Variants in PRDM1 observed in about 807,000 individuals in gnomAD.
PRDM1 encodes PR/SET domain 1.
Under a neutral mutation model 62.8 loss-of-function variants are expected in PRDM1, and 13 were observed. The observed-to-expected ratio is 0.21, with a 90% CI of 0.13 to 0.33. The LOEUF (loss-of-function observed/expected upper bound fraction) is 0.33, where lower values mean the gene tolerates loss of function less well. PRDM1 is among the 10% of genes least tolerant of loss of function. The pLI, the probability that PRDM1 is intolerant of heterozygous loss-of-function variation, is 1.00. For synonymous variants in PRDM1, 396 were observed against 417.6 expected, an observed-to-expected ratio of 0.95 and a Z score of 0.63; for missense variants, 895 against 1,058.8, an observed-to-expected ratio of 0.85 and a Z score of 2.15.
At chr6:106,103,300 G>A (rs866100860) in intron 4 of PRDM1, among the ~76,000 whole-genome samples, 1 of 152,142 alleles carries the variant, frequency 6.6e-6, no homozygotes, top group Non-Finnish European at 1.5e-5. Flanking sequence ...CATTTAAAGG[G>A]TTCAGTTCTG....
upstream of PRDM1, chr6:106,045,844 C>G (rs897368585): frequency 1.3e-5 from 2 of 152,138 alleles, no homozygotes; most frequent in African/African-American, 4.8e-5. Context: ...TAGGCAAAAG[C>G]TAAACAAAAC....
At chr6:106,074,408 A>T (rs2114603863) in intron 1 of PRDM1, among the ~76,000 whole-genome samples, 1 of 152,342 alleles carries the variant, frequency 6.6e-6, no homozygotes, top group East Asian at 1.9e-4. Flanking sequence ...ATTTTAAAAT[A>T]CATTACTCAT....
intron 1 of PRDM1, among the ~76,000 whole-genome samples, chr6:106,064,427 TG>T (rs138515805): frequency 0.028 from 4,243 of 152,302 alleles, 192 homozygotes; most frequent in African/African-American, 0.096. Context: ...TGGATGTTTT[TG>T]CAATGAGTAA....
chr6:106,106,311 G>A lies in PRDM1; in HGVS notation c.1774-60G>A. 6.3e-7 allele frequency: 1 copy of A among 1,595,516 alleles called. No individual in the cohort carries two copies. The highest frequency in any genetic ancestry group is 1.1e-5 in the South Asian group (1 of 89,696). On this transcript the variant is annotated intron_variant, in intron 5 of 6. Coordinates refer to ENST00000369096, the MANE Select transcript of PRDM1 (RefSeq NM_001198.4). The surrounding 1 kb of genome is among the most constrained non-coding windows in gnomAD (Gnocchi z 4.4). ...GCATCAACACTTGAGTCTTGGAGCA[G>A]AAATGTTAGGTCTCAGAGCCAGCTT...
chr6:106,085,634 T>A (rs1398308391), upstream of PRDM1, among the ~76,000 whole-genome samples: 3 of 152,138 alleles, frequency 2.0e-5, no homozygotes, highest in Non-Finnish European at 4.4e-5. Flanking sequence ...CAGTGATCAG[T>A]TCAATATTCC....
At position 106,107,396 on chromosome 6, in the gene PRDM1, T is replaced by A. The variant is rs765842635; in HGVS notation, c.2388T>A (p.Asp796Glu). The A allele has an allele frequency of 6.2e-7, 1 of 1,614,156 alleles. No individual in the cohort carries two copies. Among genetic ancestry groups the A allele is most frequent in the Non-Finnish European group, 8.5e-7 (1 of 1,180,022 alleles). ...GGTGCAGCCTTTATGAGTCATCAGA[T>A]CTACCCCTCATGAAGTTGCCTCCCA... ...SSGCSLYESS[D>E]LPLMKLPPSN... The change falls in exon 7 of 7, where the codon GAT becomes GAA. Residue 796 changes from aspartate (D) to glutamate (E), a missense_variant. By Grantham distance (45) the Asp-to-Glu change is conservative. This residue lies in a region of PRDM1 where 164 missense variants were observed against 179.9 expected (regional missense o/e 0.91). Coordinates refer to ENST00000369096, the MANE Select transcript of PRDM1 (RefSeq NM_001198.4).
chr6:106,091,362 C>A (rs1773954685), intron 2 of PRDM1, among the ~76,000 whole-genome samples: 2 of 152,236 alleles, frequency 1.3e-5, no homozygotes, highest in Admixed American at 1.3e-4. Context: ...ACATGCAATT[C>A]TCTCTTCATG....
At chr6:106,032,019 T>C (rs1772850419) in intron 1 of PRDM1, among the ~76,000 whole-genome samples, 1 of 152,188 alleles carries the variant, frequency 6.6e-6, no homozygotes, top group East Asian at 1.9e-4. Context: ...TAGTATATGT[T>C]GTGACTCAGT....
upstream of PRDM1, among the ~76,000 whole-genome samples, chr6:106,083,083 G>T (rs1773719816): frequency 6.6e-6 from 1 of 152,038 alleles, no homozygotes; most frequent in African/African-American, 2.4e-5. Context: ...CTAGTTCTCA[G>T]CCTGGCTTTG....
intron 1 of PRDM1, among the ~76,000 whole-genome samples, chr6:106,073,274 C>A (rs1773551025): frequency 6.6e-6 from 1 of 151,980 alleles, no homozygotes. Context: ...ACTCTCATGC[C>A]CAGCTAATTT....
upstream of PRDM1, among the ~76,000 whole-genome samples, chr6:106,084,178 C>A (rs2114611651): frequency 6.6e-6 from 1 of 151,884 alleles, no homozygotes; most frequent in African/African-American, 2.4e-5. Context: ...CACTTTGAGA[C>A]AAGAAGCAAA....
In PRDM1 at chr6:106,086,413, C is replaced by A; in HGVS notation, c.-141C>A. 1.5e-6 allele frequency: 1 copy of A among 675,566 alleles called. No individual in the cohort carries two copies. Among genetic ancestry groups the A allele is most frequent in the Admixed American group, 3.1e-5 (1 of 32,700 alleles). 41.8% of individuals were successfully genotyped at this position (675,566 alleles called of 1,614,324 possible). A position where few individuals can be genotyped will look rare whatever the true frequency, so the allele number is the denominator to read the frequency against. ...CAAGAGCAGCGACCGCGGCACCTGT[C>A]CGCCCGGAGCTGGGACGCGGGCGCC... is the stretch of plus-strand genomic sequence containing the variant. On this transcript the variant is annotated 5_prime_UTR_variant, in exon 1 of 7. Transcript: ENST00000369096.
chr6:106,109,553 T>A lies in PRDM1; in HGVS notation c.*2067T>A, dbSNP rs776831027. On this transcript the variant is annotated 3_prime_UTR_variant, in exon 7 of 7. Coordinates refer to ENST00000369096, the MANE Select transcript of PRDM1 (RefSeq NM_001198.4). ...AACTTCCAAGACTGACAGCTTTTTA[T>A]GTATCAGTGTTTGATAAACACAGTC... is the stretch of plus-strand genomic sequence containing the variant. 2.6e-5 allele frequency: 6 copies of A among 233,734 alleles called. No homozygotes were observed. In the South Asian group the frequency reaches 5.4e-4, roughly 21 times the overall value. The allele number at this position is 233,734 out of a possible 1,614,324, so 14.5% of individuals were successfully genotyped here. A position where few individuals can be genotyped will look rare whatever the true frequency, so the allele number is the denominator to read the frequency against.
intron 1 of PRDM1, among the ~76,000 whole-genome samples, chr6:106,070,062 G>GT (rs775579628): frequency 2.0e-5 from 3 of 152,090 alleles, no homozygotes; most frequent in Non-Finnish European, 4.4e-5. Context: ...TCTGTTGCAT[G>GT]TTTTTTAGCT....
intron 1 of PRDM1, among the ~76,000 whole-genome samples, chr6:106,001,097 A>G (rs796654129): frequency 1.2e-4 from 18 of 152,318 alleles, no homozygotes; most frequent in African/African-American, 4.3e-4. Context: ...TGGATCTAAG[A>G]TGGTGACTCA....
chr6:106,033,996 T>C (rs1413713629), intron 1 of PRDM1, among the ~76,000 whole-genome samples: 1 of 152,166 alleles, frequency 6.6e-6, no homozygotes, highest in Non-Finnish European at 1.5e-5. Context: ...TTTGCGTTTC[T>C]AGGAATTTGT....
chr6:106,089,405 T>G (rs1477083261), intron 2 of PRDM1, among the ~76,000 whole-genome samples: 1 of 152,202 alleles, frequency 6.6e-6, no homozygotes. Flanking sequence ...AATTTGCTAC[T>G]GGGACTATTC....
At chr6:106,060,431 T>C (rs901257898) in intron 1 of PRDM1, among the ~76,000 whole-genome samples, 1 of 152,182 alleles carries the variant, frequency 6.6e-6, no homozygotes, top group Non-Finnish European at 1.5e-5. Flanking sequence ...AAAGCTTGAT[T>C]GCAGAGCATT....
In PRDM1 at chr6:105,994,751, A is replaced by G. The variant is rs1772324742; in HGVS notation, c.-67+1112A>G. On this transcript the variant is annotated intron_variant, in intron 1 of 6. Transcript: ENST00000652320. The surrounding 1 kb of genome is among the most constrained non-coding windows in gnomAD (Gnocchi z 4.1). ...GGTCAAAGCATCAGTCCTGCCCGTAACTTCCTAACGACATCTTCTTGGAGC... is the reference window on the plus strand; with the variant it reads ...GGTCAAAGCATCAGTCCTGCCCGTAGCTTCCTAACGACATCTTCTTGGAGC... Among the ~76,000 whole-genome samples, 2 of 152,166 alleles carry G rather than the reference A, an allele frequency of 1.3e-5. No homozygotes were observed. Among genetic ancestry groups the G allele is most frequent in the South Asian group, 4.1e-4 (2 of 4,826 alleles).
Sources: gnomAD v4.1 joint callset for allele counts (sites outside exome capture counted in the v4.1 genomes callset) on GRCh38, gnomAD v4.1.1 for gene constraint, gnomAD v4.1.1 regional missense constraint, Gnocchi (gnomAD v3.1) non-coding constraint, MANE v1.5 for transcripts, NCBI Gene and HGNC (gene_info 2026-07-23, HGNC 2026-07-21) for gene names.